TANGO6: variants seen among roughly 807,000 people sequenced by gnomAD.
TANGO6 encodes the protein transport and golgi organization 6 homolog.
TANGO6 carries 90 observed loss-of-function variants against 114.2 expected under a neutral mutation model. That is an observed-to-expected ratio of 0.79 (90% CI 0.66 to 0.94). The LOEUF is 0.94. Ranked by LOEUF, TANGO6 falls within the 40% of genes least tolerant of loss-of-function variation. The pLI, the probability that TANGO6 is intolerant of heterozygous loss-of-function variation, is 0.00. For synonymous variants in TANGO6, 477 were observed against 509.8 expected (o/e 0.94, Z 0.87); for missense variants, 1,274 against 1,315.3 (o/e 0.97, Z 0.49).
intron 17 of TANGO6, among the ~76,000 whole-genome samples, chr16:69,045,496 C>T (rs146511283): frequency 0.039 from 5,865 of 148,500 alleles, 156 homozygotes; most frequent in Non-Finnish European, 0.061. Flanking sequence ...GTAATCCCAG[C>T]GCTTTGGAAG....
At chr16:68,902,550 C>G in intron 9 of TANGO6, 46 bp downstream of exon 9, 1 of 1,487,130 alleles carries the variant, frequency 6.7e-7, no homozygotes, top group Admixed American at 2.3e-5. Context: ...TTAGTTCCGC[C>G]CAAAAGGCCA....
At chr16:68,999,819 CAATT>C (rs1567556100) in intron 15 of TANGO6, among the ~76,000 whole-genome samples, 3 of 152,188 alleles carry the variant, frequency 2.0e-5, no homozygotes, top group Admixed American at 1.3e-4. Flanking sequence ...TCAATCTATG[CAATT>C]AATTCCTGTT....
At chr16:68,903,991 A>G (rs1183332125) in intron 9 of TANGO6, among the ~76,000 whole-genome samples, 1 of 152,146 alleles carries the variant, frequency 6.6e-6, no homozygotes, top group East Asian at 1.9e-4. Context: ...CTTTAGATCC[A>G]GAGTTTTTAC....
intron 15 of TANGO6, among the ~76,000 whole-genome samples, chr16:68,987,437 C>T (rs1021261361): frequency 1.3e-5 from 2 of 152,110 alleles, no homozygotes; most frequent in South Asian, 2.1e-4. Context: ...AGCATGATCT[C>T]GGCTCACTGC....
intron 1 of TANGO6, among the ~76,000 whole-genome samples, chr16:68,848,215 T>C (rs75594205): frequency 0.079 from 12,010 of 152,058 alleles, 922 homozygotes; most frequent in African/African-American, 0.2. Context: ...CGGGTGATGC[T>C]TCTACCTCAG....
intron 15 of TANGO6, among the ~76,000 whole-genome samples, chr16:68,987,166 T>TC (rs11461280): frequency 0.71 from 107,490 of 151,802 alleles, 38,846 homozygotes; most frequent in African/African-American, 0.87. Flanking sequence ...CTATTTTTTT[T>TC]CTATGATATA....
intron 11 of TANGO6, among the ~76,000 whole-genome samples, chr16:68,911,266 A>G (rs527981076): frequency 9.2e-5 from 14 of 151,614 alleles, no homozygotes; most frequent in African/African-American, 3.4e-4. Context: ...ACCCTGTAAT[A>G]TTGAATTTCA....
intron 7 of TANGO6, among the ~76,000 whole-genome samples, chr16:68,882,374 G>C (rs1962474989): frequency 6.6e-6 from 1 of 151,972 alleles, no homozygotes; most frequent in South Asian, 2.1e-4. Context: ...GCAGGCACCT[G>C]TAGTCCCAGC....
chr16:68,869,795 G>A (rs1478220623), intron 4 of TANGO6, among the ~76,000 whole-genome samples: 2 of 152,204 alleles, frequency 1.3e-5, no homozygotes, highest in Admixed American at 1.3e-4. Context: ...TAGCTGAAGA[G>A]AGAGGGAAGA....
chr16:68,864,218 T>C (rs1383687561), intron 3 of TANGO6, among the ~76,000 whole-genome samples: 1 of 151,226 alleles, frequency 6.6e-6, no homozygotes, highest in Non-Finnish European at 1.5e-5. Flanking sequence ...TTTGATGATA[T>C]AGATGGAATT....
chr16:69,062,865 G>A (rs1032653047), intron 17 of TANGO6, among the ~76,000 whole-genome samples: 1 of 151,162 alleles, frequency 6.6e-6, no homozygotes, highest in Non-Finnish European at 1.5e-5. Flanking sequence ...GGAAGCCAAG[G>A]TGGTGAATCA....
At chr16:68,856,966 A>G (rs1034934705) in intron 1 of TANGO6, among the ~76,000 whole-genome samples, 1 of 152,138 alleles carries the variant, frequency 6.6e-6, no homozygotes, top group Non-Finnish European at 1.5e-5. Flanking sequence ...AAAATTAGCC[A>G]GGCATGGTGG....
At chr16:68,878,338 AC>A in intron 6 of TANGO6, 58 bp downstream of exon 6, 1 of 1,515,062 alleles carries the variant, frequency 6.6e-7, no homozygotes. Context: ...TCAGTATTTC[AC>A]GTTGAAATGA....
chr16:68,880,841 C>G (rs904284364), intron 7 of TANGO6, among the ~76,000 whole-genome samples: 1 of 151,868 alleles, frequency 6.6e-6, no homozygotes, highest in Non-Finnish European at 1.5e-5. Flanking sequence ...AATAATTTTA[C>G]CTTTTAATTA....
intron 16 of TANGO6, among the ~76,000 whole-genome samples, chr16:69,027,356 T>C (rs1262865366): frequency 2.0e-5 from 3 of 152,198 alleles, no homozygotes; most frequent in African/African-American, 4.8e-5. Context: ...AAGTTACATA[T>C]ATATCAGTTA....
intron 5 of TANGO6, among the ~76,000 whole-genome samples, chr16:68,876,042 G>T (rs867033764): frequency 3.6e-4 from 55 of 152,078 alleles, no homozygotes; most frequent in Non-Finnish European, 5.9e-5. Context: ...TTTCTTTCCA[G>T]AGATATTCTG....
At chr16:68,930,113 G>T in intron 13 of TANGO6, 125 bp from the exon 14 acceptor site, 1 of 750,158 alleles carries the variant, frequency 1.3e-6, no homozygotes, top group South Asian at 1.8e-5. Flanking sequence ...AACTCTGTCA[G>T]ACCAGTTTCT....
chr16:68,946,196 CTT>C (rs1314475382), intron 14 of TANGO6, among the ~76,000 whole-genome samples: 20 of 144,644 alleles, frequency 1.4e-4, no homozygotes, highest in African/African-American at 1.5e-4. Flanking sequence ...TCTTCTTCTT[CTT>C]TTTTTTTTTT....
At position 68,926,430 on chromosome 16, in the gene TANGO6, G is replaced by A. The variant is rs927074374; in HGVS notation, c.2128-1138G>A. Among the ~76,000 whole-genome samples, 114 of 151,732 alleles carry A rather than the reference G, an allele frequency of 7.5e-4. 1 individual carries two copies. The highest frequency in any genetic ancestry group is 2.6e-3 in the African/African-American group (109 of 41,412). ...AATGGCGTGAACCCGGGAGGTGGAG[G>A]TTGCAGTGAGCCGAGATTACGCCAT... is the stretch of plus-strand genomic sequence containing the variant. On this transcript the variant is annotated intron_variant, in intron 12 of 17. Transcript: ENST00000261778.
Sources: gnomAD v4.1 joint callset for allele counts (sites outside exome capture counted in the v4.1 genomes callset) on GRCh38, gnomAD v4.1.1 for gene constraint, MANE v1.5 for transcripts, NCBI Gene and HGNC (gene_info 2026-07-23, HGNC 2026-07-21) for gene names.